SYNE1: variants seen among roughly 807,000 people sequenced by gnomAD.
SYNE1 encodes the protein spectrin repeat containing nuclear envelope protein 1, also known as nesprin-1.
SYNE1 carries 616 observed loss-of-function variants against 1,111.0 expected under a neutral mutation model. The ratio of observed to expected loss-of-function variants is 0.55; its 90% CI spans 0.52 to 0.59. The LOEUF (loss-of-function observed/expected upper bound fraction) is 0.59. Ranked by LOEUF, SYNE1 falls within the 20% of genes least tolerant of loss-of-function variation. The probability of loss-of-function intolerance (pLI) is 0.00; values close to 1 mark genes in which losing one functional copy is unlikely to be tolerated. For missense variants in SYNE1, 10,006 were observed against 10,417.0 expected, an observed-to-expected ratio of 0.96 and a Z score of 1.72; for synonymous variants, 3,855 against 3,825.8, an observed-to-expected ratio of 1.01 and a Z score of -0.28.
intron 69 of SYNE1, 121 bp from the exon 70 acceptor site, chr6:152,352,474 C>G: frequency 9.9e-7 from 1 of 1,013,328 alleles, no homozygotes; most frequent in Non-Finnish European, 1.4e-6. Context: ...ACAATCTTGG[C>G]TCACTGCAAC....
At chr6:152,492,448 G>A (rs2098975964) in intron 11 of SYNE1, among the ~76,000 whole-genome samples, 1 of 152,196 alleles carries the variant, frequency 6.6e-6, no homozygotes, top group Non-Finnish European at 1.5e-5. Context: ...CAGTGGCCAG[G>A]CATTCCTCCA....
At chr6:152,563,432 T>C (rs2099401454) in intron 3 of SYNE1, among the ~76,000 whole-genome samples, 1 of 152,186 alleles carries the variant, frequency 6.6e-6, no homozygotes, top group Non-Finnish European at 1.5e-5. Context: ...GTGCTTCAGA[T>C]GCACTTTTGG....
At chr6:152,444,389 T>G in intron 30 of SYNE1, 22 bp downstream of exon 30, 1 of 1,612,592 alleles carries the variant, frequency 6.2e-7, no homozygotes, top group Non-Finnish European at 8.5e-7. Context: ...ATAATCTTGT[T>G]GGAAGAAAGA....
intron 16 of SYNE1, among the ~76,000 whole-genome samples, chr6:152,467,674 G>A (rs1369157710): frequency 2.0e-5 from 3 of 152,146 alleles, no homozygotes; most frequent in Non-Finnish European, 1.5e-5. Flanking sequence ...TGGTCCACGA[G>A]GCAGGAAAGA....
At chr6:152,132,716 T>C (rs2056104957) in intron 143 of SYNE1, among the ~76,000 whole-genome samples, 1 of 152,166 alleles carries the variant, frequency 6.6e-6, no homozygotes, top group Non-Finnish European at 1.5e-5. Flanking sequence ...GCAAAGCATG[T>C]GTTCATGGCA....
intron 30 of SYNE1, among the ~76,000 whole-genome samples, chr6:152,444,109 TA>T (rs1225754090): frequency 1.3e-5 from 2 of 152,266 alleles, no homozygotes; most frequent in Non-Finnish European, 2.9e-5. Flanking sequence ...AAGGAGAATC[TA>T]GCACGTTTTG....
At chr6:152,562,275 G>A (rs1211158012) in intron 3 of SYNE1, among the ~76,000 whole-genome samples, 1 of 151,990 alleles carries the variant, frequency 6.6e-6, no homozygotes, top group Non-Finnish European at 1.5e-5. Context: ...GAATACATAC[G>A]AATGGCCAAT....
At chr6:152,303,526 C>T (rs1304477062) in intron 91 of SYNE1, among the ~76,000 whole-genome samples, 2 of 151,986 alleles carry the variant, frequency 1.3e-5, no homozygotes, top group Non-Finnish European at 2.9e-5. Context: ...TGCACACACA[C>T]ATATGTACAC....
At chr6:152,478,156 T>A (rs1362843615) in intron 14 of SYNE1, among the ~76,000 whole-genome samples, 3 of 152,150 alleles carry the variant, frequency 2.0e-5, no homozygotes, top group African/African-American at 7.2e-5. Context: ...GGATGAGGAA[T>A]GAGGCAAAGC....
At chr6:152,537,696 T>G (rs1311281256) in intron 4 of SYNE1, among the ~76,000 whole-genome samples, 1 of 152,144 alleles carries the variant, frequency 6.6e-6, no homozygotes, top group Non-Finnish European at 1.5e-5. Context: ...CCCCTAGATA[T>G]ACAATCGTGT....
At position 152,206,260 on chromosome 6, in the gene SYNE1, A is replaced by C; in HGVS notation, c.22927T>G (p.Leu7643Val). 6.2e-7 allele frequency: 1 copy of C among 1,613,948 alleles called. No homozygotes were observed. The highest frequency in any genetic ancestry group is 1.1e-5 in the South Asian group (1 of 91,064). The change falls in exon 126 of 146, where the codon TTG (leucine) becomes GTG (valine). Residue 7643 changes from leucine to valine, a missense_variant. Leu to Val is a conservative substitution (Grantham distance 32). Coordinates refer to ENST00000367255, the MANE Select transcript of SYNE1 (RefSeq NM_182961.4). ...TGGATTTCAGCGAGTTCGGCCTGCA[A>C]GGCGGCCTCAGCGCCACTGTCCGCC... ...LSADSGAEAA[L>V]QAELAEIQEK...
Position 152,387,242 on chromosome 6 carries a change from G to A in SYNE1, c.8317C>T (p.Leu2773Phe). 2 of 1,614,158 alleles carry A rather than the reference G, an allele frequency of 1.2e-6. No homozygotes were observed. Among genetic ancestry groups the A allele is most frequent in the Non-Finnish European group, 1.7e-6 (2 of 1,180,002 alleles). ...QPGLKEKFVL[L>F]DHLQSILSEA... The stretch of plus-strand genomic sequence containing the variant: ...GACAGGATGGACTGGAGGTGGTCAA[G>A]CAGGACGAACTTCTCTTTCAGACCT... The change falls in exon 54 of 146, where the codon CTT becomes TTT. Residue 2773 changes from leucine to phenylalanine, a missense_variant. Transcript: ENST00000367255.
At chr6:152,416,216 G>A (rs2154181553) in intron 41 of SYNE1, among the ~76,000 whole-genome samples, 171 bp downstream of exon 41, 1 of 152,282 alleles carries the variant, frequency 6.6e-6, no homozygotes, top group Middle Eastern at 3.4e-3. Flanking sequence ...AAAAGGAAAG[G>A]CAGCTGCTTG....
At chr6:152,234,882 A>G (rs1401234103) in intron 110 of SYNE1, 82 bp from the exon 111 acceptor site, 1 of 1,507,202 alleles carries the variant, frequency 6.6e-7, no homozygotes, top group African/African-American at 1.4e-5. Context: ...CAATGCCAAC[A>G]GTTTTAAAAC....
At chr6:152,236,420 A>G (rs1477994151) in intron 109 of SYNE1, 117 bp from the exon 110 acceptor site, 2 of 764,700 alleles carry the variant, frequency 2.6e-6, no homozygotes, top group African/African-American at 3.5e-5. Context: ...CTTAAACTAT[A>G]CTCACTCAAG....
Position 152,442,173 on chromosome 6 carries a change from C to A in SYNE1, c.3910G>T (p.Gly1304Trp), listed in dbSNP as rs1349777505. Residue 1304 changes from glycine (G) to tryptophan (W), a missense_variant, in exon 31 of 146, where the codon GGG becomes TGG. Gly to Trp is a radical substitution (Grantham distance 184, BLOSUM62 -2). This residue lies in a region of SYNE1 where 1,971 missense variants were observed against 2,084.1 expected (regional missense o/e 0.95). Transcript: ENST00000367255. ...TCGTGGCCTCGGTCAGGCAGCCCCCCTTCTCCCTGCTGCGCCTGCGCGATC... is the reference window on the plus strand; with the variant it reads ...TCGTGGCCTCGGTCAGGCAGCCCCCATTCTCCCTGCTGCGCCTGCGCGATC... ...QQIAQAQQGE[G>W]GLPDRGHEEL... The A allele has an allele frequency of 1.2e-6, 2 of 1,613,804 alleles. No individual in the cohort carries two copies. The highest frequency in any genetic ancestry group is 1.7e-6 in the Non-Finnish European group (2 of 1,180,046).
intron 42 of SYNE1, among the ~76,000 whole-genome samples, chr6:152,412,235 C>A (rs923674693): frequency 1.3e-5 from 2 of 151,782 alleles, no homozygotes; most frequent in African/African-American, 4.8e-5. Flanking sequence ...TCCTGGCTAA[C>A]ACGGTGAAAC....
At chr6:152,217,374 C>T (rs188905315) in intron 121 of SYNE1, among the ~76,000 whole-genome samples, 254 of 135,670 alleles carry the variant, frequency 1.9e-3, no homozygotes, top group Non-Finnish European at 3.2e-3. Flanking sequence ...CCAGCCTGGG[C>T]GACAAAGCAA....
At position 152,354,823 on chromosome 6, in the gene SYNE1, C is replaced by G; in HGVS notation, c.10762G>C (p.Glu3588Gln). The G allele has an allele frequency of 6.2e-7, 1 of 1,614,186 alleles. No individual in the cohort carries two copies. Reference sequence around the variant, plus strand: ...ACGTTATTGAACTGAGTTCGAGTCTCGGACAGCCTGTGCTGGTAAGCCTGC... The same window carrying G: ...ACGTTATTGAACTGAGTTCGAGTCTGGGACAGCCTGTGCTGGTAAGCCTGC... ...DWQAYQHRLS[E>Q]TRTQFNNVVN... Residue 3588 changes from glutamate (E) to glutamine (Q), a missense_variant, in exon 67 of 146, where the codon GAG becomes CAG. By Grantham distance (29) the Glu-to-Gln change is conservative. This residue lies in a region of SYNE1 where 4,955 missense variants were observed against 5,017.2 expected (regional missense o/e 0.99). Transcript: ENST00000367255.
Sources: gnomAD v4.1 joint callset for allele counts (sites outside exome capture counted in the v4.1 genomes callset) on GRCh38, gnomAD v4.1.1 for gene constraint, gnomAD v4.1.1 regional missense constraint, MANE v1.5 for transcripts, NCBI Gene and HGNC (gene_info 2026-07-23, HGNC 2026-07-21) for gene names.